USP19: variants seen among roughly 807,000 people sequenced by gnomAD.
USP19 encodes ubiquitin specific peptidase 19.
Under a neutral mutation model 144.8 loss-of-function variants are expected in USP19, and 40 were observed. The ratio of observed to expected loss-of-function variants is 0.28; its 90% confidence interval spans 0.21 to 0.36. USP19 has a LOEUF of 0.36. Among genes scored for constraint, USP19 ranks in the 10% least tolerant of loss-of-function variants. The probability of loss-of-function intolerance (pLI) is 1.00; values close to 1 mark genes in which losing one functional copy is unlikely to be tolerated. For missense variants in USP19, 1,518 were observed against 1,822.5 expected (o/e 0.83, Z 3.04); for synonymous variants, 701 against 709.3 (o/e 0.99, Z 0.19).
chr3:49,116,029 G>A lies in USP19; in HGVS notation c.1471+18C>T. The A allele has an allele frequency of 1.3e-6, 2 of 1,585,780 alleles. No homozygotes were observed. The highest frequency in any genetic ancestry group is 2.2e-5 in the East Asian group (1 of 44,682). ...TGGTCACGTGGAACTGGGCAATGAA[G>A]GGAGCTCGTGTGCAGACCTCGTGCA... On this transcript the variant is annotated intron_variant, in intron 10 of 26. Coordinates refer to ENST00000417901, the MANE Select transcript of USP19 (RefSeq NM_001199161.2). The surrounding 1 kb of genome is among the most constrained non-coding windows in gnomAD (Gnocchi z 5.0).
In USP19 at chr3:49,117,608, A is replaced by G. The variant is rs532539370; in HGVS notation, c.473-38T>C. On this transcript the variant is annotated intron_variant, in intron 4 of 26. Transcript: ENST00000417901. This position sits in a 1 kb window ranked among gnomAD's most constrained non-coding sequence, Gnocchi z 4.4. ...CAGGGTCCATGAGGTAGGATAGGAG[A>G]TATCAGAAGATTCAAACATACTACT... is the stretch of plus-strand genomic sequence containing the variant. 5 of 1,614,056 alleles carry G rather than the reference A, an allele frequency of 3.1e-6. No individual in the cohort carries two copies. In the South Asian group the frequency reaches 5.5e-5, roughly 18 times the overall value.
Position 49,117,474 on chromosome 3 carries a change from G to A in USP19, c.569C>T (p.Pro190Leu), listed in dbSNP as rs758854431. Residue 190 changes from proline (P) to leucine (L), a missense_variant, in exon 5 of 27, where the codon CCC (proline) becomes CTC (leucine). Pro to Leu is a moderately conservative substitution (Grantham distance 98). Transcript: ENST00000417901. This position sits in a 1 kb window ranked among gnomAD's most constrained non-coding sequence, Gnocchi z 4.4. ...CCACGTGAGCATAGGCACCTTTTTGGGCAGTGTCAGGTGCAGGAGACTGCC... is the reference window on the plus strand; with the variant it reads ...CCACGTGAGCATAGGCACCTTTTTGAGCAGTGTCAGGTGCAGGAGACTGCC... Reference protein sequence around the residue: ...RKGSLLHLTLPKKVPMLTWPS... With the variant: ...RKGSLLHLTLLKKVPMLTWPS... 5 of 1,613,968 alleles carry A rather than the reference G, an allele frequency of 3.1e-6. No homozygotes were observed. The highest frequency in any genetic ancestry group is 4.2e-6 in the Non-Finnish European group (5 of 1,180,042).
At position 49,110,395 on chromosome 3, in the gene USP19, C is replaced by A. The variant is rs2042967533; in HGVS notation, c.3860-33G>T. 6.2e-7 allele frequency: 1 copy of A among 1,602,940 alleles called. No individual in the cohort carries two copies. On this transcript the variant is annotated intron_variant, in intron 25 of 26. Transcript: ENST00000417901. This position sits in a 1 kb window ranked among gnomAD's most constrained non-coding sequence, Gnocchi z 6.1. ...AGGGTGGGAAGAGTGTGAACAAAGTCTGCACCACCACCCCTACCACCTATC... is the reference window on the plus strand; with the variant it reads ...AGGGTGGGAAGAGTGTGAACAAAGTATGCACCACCACCCCTACCACCTATC...
chr3:49,118,071 T>C lies in USP19; in HGVS notation c.174A>G (p.Ser58=), dbSNP rs766466201. Residue 58 remains serine, a synonymous_variant, in exon 3 of 27, where the codon TCA becomes TCG. Coordinates refer to ENST00000417901, the MANE Select transcript of USP19 (RefSeq NM_001199161.2). The part of the protein sequence containing the change: ...VAQAGLEPLA[S]GDPSASASHA... ...GGGAGGCTGAGGCAGAAGGATCACCTGAGGCCAGAGGTTCAAGACCAGCCT... is the reference window on the plus strand; with the variant it reads ...GGGAGGCTGAGGCAGAAGGATCACCCGAGGCCAGAGGTTCAAGACCAGCCT... The C allele has an allele frequency of 2.1e-5, 33 of 1,575,924 alleles. No homozygotes were observed. The highest frequency in any genetic ancestry group is 2.8e-5 in the Non-Finnish European group (32 of 1,161,978).
At chr3:49,120,314 G>C (rs1006959670) in intron 1 of USP19, among the ~76,000 whole-genome samples, 30 of 152,314 alleles carry the variant, frequency 2.0e-4, no homozygotes, top group African/African-American at 6.5e-4. Context: ...TGGTGGGCTG[G>C]ATCTTTAATG....
In USP19 at chr3:49,108,876, C is replaced by T. The variant is rs2042708150; in HGVS notation, c.4039-348G>A. 6.6e-7 allele frequency: 1 copy of T among 1,506,352 alleles called. No homozygotes were observed. Among genetic ancestry groups the T allele is most frequent in the Admixed American group, 2.3e-5 (1 of 43,934 alleles). 93.3% of individuals were successfully genotyped at this position (1,506,352 alleles called of 1,614,324 possible). A position where few individuals can be genotyped will look rare whatever the true frequency, so the allele number is the denominator to read the frequency against. ...GATGCATAAGCTGAGGCCCAAAGCC[C>T]AGAGGTGTTCCCCACAACAAAGGCA... On this transcript the variant is annotated intron_variant, in intron 26 of 26. Coordinates refer to ENST00000417901, the MANE Select transcript of USP19 (RefSeq NM_001199161.2). This position sits in a 1 kb window ranked among gnomAD's most constrained non-coding sequence, Gnocchi z 4.8.
At position 49,111,141 on chromosome 3, in the gene USP19, G is replaced by T. The variant is rs370859147; in HGVS notation, c.3354C>A (p.Asp1118Glu). The change falls in exon 23 of 27, where the codon GAC (aspartate) becomes GAA (glutamate). Residue 1118 changes from aspartate to glutamate, a missense_variant. Transcript: ENST00000417901. This position sits in a 1 kb window ranked among gnomAD's most constrained non-coding sequence, Gnocchi z 5.9. ...GCCAGACGAGAGCCAGGCTACAGTC[G>T]TCACCCAGCTCCAGTGGGGTGTCTC... is the stretch of plus-strand genomic sequence containing the variant. ...DKGDTPLELG[D>E]DCSLALVWRN... 2.5e-6 allele frequency: 4 copies of T among 1,613,694 alleles called. No homozygotes were observed. Among genetic ancestry groups the T allele is most frequent in the Non-Finnish European group, 3.4e-6 (4 of 1,180,032 alleles).
chr3:49,117,040 A>AC lies in USP19; in HGVS notation c.909+18dup. On this transcript the variant is annotated intron_variant, in intron 6 of 26. Coordinates refer to ENST00000417901, the MANE Select transcript of USP19 (RefSeq NM_001199161.2). The surrounding 1 kb of genome is among the most constrained non-coding windows in gnomAD (Gnocchi z 4.4). Reference sequence around the variant, plus strand: ...TTTCCCCCCATCTCCTAACACCCAAACAGGTGCCCAGCTCTCACCTGGGTG... The same window carrying AC: ...TTTCCCCCCATCTCCTAACACCCAAACCAGGTGCCCAGCTCTCACCTGGGTG... The AC allele has an allele frequency of 6.6e-7, 1 of 1,519,688 alleles. No homozygotes were observed. Among genetic ancestry groups the AC allele is most frequent in the Non-Finnish European group, 8.9e-7 (1 of 1,129,256 alleles). 94.1% of individuals were successfully genotyped at this position (1,519,688 alleles called of 1,614,324 possible).
chr3:49,117,482 C>T lies in USP19; in HGVS notation c.561G>A (p.Leu187=), dbSNP rs781622606. Residue 187 remains leucine, a synonymous_variant, in exon 5 of 27, where the codon CTG becomes CTA. Transcript: ENST00000417901. This position sits in a 1 kb window ranked among gnomAD's most constrained non-coding sequence, Gnocchi z 4.4. ...VQTRKGSLLH[L]TLPKKVPMLT... ...GCATAGGCACCTTTTTGGGCAGTGT[C>T]AGGTGCAGGAGACTGCCCTTGCGGG... The T allele has an allele frequency of 1.2e-6, 2 of 1,614,118 alleles. No homozygotes were observed. The highest frequency in any genetic ancestry group is 1.7e-6 in the Non-Finnish European group (2 of 1,180,032).
Position 49,114,791 on chromosome 3 carries a change from G to A in USP19, c.2264C>T (p.Ser755Leu), listed in dbSNP as rs999035812. The stretch of plus-strand genomic sequence containing the variant: ...GGCACACACAGGGCACACCAGCTTC[G>A]ACTTGTACTGCCCCTGAAATAGGTC... ...IVDLFQGQYKSKLVCPVCAKV... is the reference protein window; with the variant it reads ...IVDLFQGQYKLKLVCPVCAKV... Residue 755 changes from serine (S) to leucine (L), a missense_variant, in exon 15 of 27, where the codon TCG (serine) becomes TTG (leucine). Physicochemically the swap from Ser to Leu is moderately radical, Grantham distance 145. This residue lies in a region of USP19 where 158 missense variants were observed against 277.3 expected (regional missense o/e 0.57). Transcript: ENST00000417901. The surrounding 1 kb of genome is among the most constrained non-coding windows in gnomAD (Gnocchi z 4.5). 1 of 1,614,130 alleles carries A rather than the reference G, an allele frequency of 6.2e-7. No homozygotes were observed. The highest frequency in any genetic ancestry group is 8.5e-7 in the Non-Finnish European group (1 of 1,180,030).
chr3:49,116,894 C>T lies in USP19; in HGVS notation c.959G>A (p.Cys320Tyr), dbSNP rs755794467. ...TAAATTCTCCTCTGAGCCCAGGAGG[C>T]AGGTTTGGGAGTTCAGCGGTGGTAT... ...LCIPPLNSQT[C>Y]LLGSEENLAP... The change falls in exon 7 of 27, where the codon TGC (cysteine) becomes TAC (tyrosine). Residue 320 changes from cysteine to tyrosine, a missense_variant. Physicochemically the swap from Cys to Tyr is radical, Grantham distance 194. Around this residue, in one of 5 missense-constraint regions of USP19, gnomAD observed 707 missense variants for 728.9 expected, o/e 0.97. Transcript: ENST00000417901. This position sits in a 1 kb window ranked among gnomAD's most constrained non-coding sequence, Gnocchi z 5.0. The T allele has an allele frequency of 1.2e-6, 2 of 1,614,168 alleles. No individual in the cohort carries two copies. The highest frequency in any genetic ancestry group is 1.6e-4 in the Middle Eastern group (1 of 6,062).
At position 49,110,672 on chromosome 3, in the gene USP19, C is replaced by T; in HGVS notation, c.3698+39G>A. ...GGCGCTCAGGATGCCCATCCTGGTC[C>T]TCACACCCCACCCACAGTTACCAAG... is the stretch of plus-strand genomic sequence containing the variant. On this transcript the variant is annotated intron_variant, in intron 24 of 26. Coordinates refer to ENST00000417901, the MANE Select transcript of USP19 (RefSeq NM_001199161.2). This position sits in a 1 kb window ranked among gnomAD's most constrained non-coding sequence, Gnocchi z 6.1. The T allele has an allele frequency of 1.2e-6, 2 of 1,611,710 alleles. No individual in the cohort carries two copies. The highest frequency in any genetic ancestry group is 1.7e-6 in the Non-Finnish European group (2 of 1,178,488).
rs202156739 is a variant in USP19 at position 49,117,978 on chromosome 3, T to C, written c.267A>G (p.Ala89=). The C allele has an allele frequency of 6.2e-7, 1 of 1,610,826 alleles. No homozygotes were observed. The highest frequency in any genetic ancestry group is 1.7e-4 in the Middle Eastern group (1 of 6,042). Residue 89 remains alanine (A), a synonymous_variant, in exon 3 of 27, where the codon GCA becomes GCG. Transcript: ENST00000417901. The surrounding 1 kb of genome is among the most constrained non-coding windows in gnomAD (Gnocchi z 4.4). ...TGGTCTGCTCCTCTTGAGGAGTGGA[T>C]GCTGACCCTGACGATGAAGGAAAGA... ...RLFFPSSSGS[A]STPQEEQTKE...
rs145524088 is a variant in USP19, at chr3:49,116,396, A to G, written c.1284-45T>C. The G allele has an allele frequency of 6.2e-7, 1 of 1,614,046 alleles. No individual in the cohort carries two copies. Among genetic ancestry groups the G allele is most frequent in the East Asian group, 2.2e-5 (1 of 44,872 alleles). ...TAGGAGGAAGGACAAGAGGAAGAGC[A>G]TGAGACATACTGTCCCACCTGAGGC... On this transcript the variant is annotated intron_variant, in intron 8 of 26. Coordinates refer to ENST00000417901, the MANE Select transcript of USP19 (RefSeq NM_001199161.2). The surrounding 1 kb of genome is among the most constrained non-coding windows in gnomAD (Gnocchi z 5.0).
Position 49,108,459 on chromosome 3 carries a change from C to T in USP19, c.4108G>A (p.Val1370Met). 7.4e-7 allele frequency: 1 copy of T among 1,357,408 alleles called. No individual in the cohort carries two copies. Among genetic ancestry groups the T allele is most frequent in the Non-Finnish European group, 9.6e-7 (1 of 1,043,876 alleles). The allele number at this position is 1,357,408 out of a possible 1,614,324, so 84.1% of individuals were successfully genotyped here. The stretch of plus-strand genomic sequence containing the variant: ...CTGTAGGTGGGGGCTGGCCGATCCA[C>T]AGGGGGGGCGAAGCGTTCAGGGGCT... ...RTAPERFAPP[V>M]DRPAPTYSNM... is the part of the protein sequence containing the mutation. The change falls in exon 27 of 27, where the codon GTG becomes ATG. Residue 1370 changes from valine to methionine, a missense_variant. This residue lies in a region of USP19 where 118 missense variants were observed against 100.2 expected (regional missense o/e 1.18). Transcript: ENST00000417901. This position sits in a 1 kb window ranked among gnomAD's most constrained non-coding sequence, Gnocchi z 4.8.
In USP19 at chr3:49,117,326, CCCCGGCACCAGCT is replaced by C. The variant is rs776020662; in HGVS notation, c.629_641del (p.Glu210GlyfsTer41). The C allele has an allele frequency of 5.0e-6, 8 of 1,586,814 alleles. No individual in the cohort carries two copies. Among genetic ancestry groups the C allele is most frequent in the Non-Finnish European group, 6.0e-6 (7 of 1,163,508 alleles). On this transcript the variant is annotated frameshift_variant, in exon 6 of 27. Transcript: ENST00000417901. LOFTEE classifies it high-confidence loss of function. This position sits in a 1 kb window ranked among gnomAD's most constrained non-coding sequence, Gnocchi z 4.4. The stretch of plus-strand genomic sequence containing the variant: ...CCTGCCCATTCTCCTGGCACCGCAG[CCCCGGCACCAGCT>C]CCTGGGTCCCTAGAGGTTTCTTCTG...
rs2044203643 is a variant in USP19 at position 49,116,694 on chromosome 3, C to T, written c.1126+33G>A. 11 of 1,607,634 alleles carry T rather than the reference C, an allele frequency of 6.8e-6. No homozygotes were observed. In the Middle Eastern group the frequency reaches 8.3e-4, roughly 121 times the overall value. ...TCCACCTACAAACTTTGCAACCCAACCTAGGGCTCTGCCTGCCCACCCCCA... is the reference window on the plus strand; with the variant it reads ...TCCACCTACAAACTTTGCAACCCAATCTAGGGCTCTGCCTGCCCACCCCCA... On this transcript the variant is annotated intron_variant, in intron 7 of 26. Coordinates refer to ENST00000417901, the MANE Select transcript of USP19 (RefSeq NM_001199161.2). This position sits in a 1 kb window ranked among gnomAD's most constrained non-coding sequence, Gnocchi z 5.0.
rs1400178250 is a variant in USP19 at position 49,115,144 on chromosome 3, A to C, written c.2023-27T>G. ...TGGATACAGGAGCCAAGGTGTGAACATGAAGCCCTAGCACCCACTGCACAC... is the reference window on the plus strand; with the variant it reads ...TGGATACAGGAGCCAAGGTGTGAACCTGAAGCCCTAGCACCCACTGCACAC... On this transcript the variant is annotated intron_variant, in intron 13 of 26. Transcript: ENST00000417901. The surrounding 1 kb of genome is among the most constrained non-coding windows in gnomAD (Gnocchi z 6.6). 1 of 1,612,976 alleles carries C rather than the reference A, an allele frequency of 6.2e-7. No individual in the cohort carries two copies. The highest frequency in any genetic ancestry group is 8.5e-7 in the Non-Finnish European group (1 of 1,179,322).
Position 49,108,604 on chromosome 3 carries a change from G to T in USP19, c.4039-76C>A. On this transcript the variant is annotated intron_variant, in intron 26 of 26. Coordinates refer to ENST00000417901, the MANE Select transcript of USP19 (RefSeq NM_001199161.2). This position sits in a 1 kb window ranked among gnomAD's most constrained non-coding sequence, Gnocchi z 4.8. ...GGCATCCCGGGGGTGCTGGCTTGGA[G>T]CCCTGGCACCCAAGGGAGGGTCCCA... 8.0e-7 allele frequency: 1 copy of T among 1,242,578 alleles called. No homozygotes were observed. Among genetic ancestry groups the T allele is most frequent in the Non-Finnish European group, 1.0e-6 (1 of 985,460 alleles). 77.0% of individuals were successfully genotyped at this position (1,242,578 alleles called of 1,614,324 possible). A position where few individuals can be genotyped will look rare whatever the true frequency, so the allele number is the denominator to read the frequency against.
Sources: gnomAD v4.1 joint callset for allele counts (sites outside exome capture counted in the v4.1 genomes callset) on GRCh38, gnomAD v4.1.1 for gene constraint, gnomAD v4.1.1 regional missense constraint, Gnocchi (gnomAD v3.1) non-coding constraint, MANE v1.5 for transcripts, NCBI Gene and HGNC (gene_info 2026-07-23, HGNC 2026-07-21) for gene names.